ESRRG: variants seen among roughly 807,000 people sequenced by gnomAD.
The protein encoded by ESRRG is estrogen-related receptor gamma.
ESRRG carries 13 observed loss-of-function variants against 44.0 expected under a neutral mutation model. That is an observed-to-expected ratio of 0.30 (90% CI 0.19 to 0.47). The LOEUF (loss-of-function observed/expected upper bound fraction) is 0.47. Among genes scored for constraint, ESRRG ranks in the 20% least tolerant of loss-of-function variants. The pLI is 1.00. For synonymous variants in ESRRG, 215 were observed against 214.6 expected (o/e 1.00, Z -0.02); for missense variants, 395 against 580.6 (o/e 0.68, Z 3.29).
At chr1:217,034,828 A>C (rs573315432) in intron 1 of ESRRG, among the ~76,000 whole-genome samples, 1 of 152,302 alleles carries the variant, frequency 6.6e-6, no homozygotes, top group South Asian at 2.1e-4. Flanking sequence ...TAATTGTAAT[A>C]ACACAGACAA....
intron 3 of ESRRG, among the ~76,000 whole-genome samples, chr1:216,642,354 C>A (rs963683213): frequency 2.6e-5 from 4 of 152,004 alleles, no homozygotes; most frequent in Non-Finnish European, 4.4e-5. Flanking sequence ...CCTTCAAAAT[C>A]TTTACTATTC....
intron 2 of ESRRG, among the ~76,000 whole-genome samples, chr1:216,930,896 C>T (rs570146188): frequency 2.0e-5 from 3 of 152,240 alleles, no homozygotes; most frequent in Middle Eastern, 3.4e-3. Context: ...CAAGGTTCCA[C>T]AATGATTACG....
chr1:217,090,895 C>T (rs990314965), upstream of ESRRG, among the ~76,000 whole-genome samples: 1 of 152,150 alleles, frequency 6.6e-6, no homozygotes, highest in African/African-American at 2.4e-5. Context: ...TAGGAGTGGT[C>T]TCAAGAACAA....
At chr1:216,684,726 T>C (rs1019336931) in intron 1 of ESRRG, among the ~76,000 whole-genome samples, 1 of 152,200 alleles carries the variant, frequency 6.6e-6, no homozygotes, top group Non-Finnish European at 1.5e-5. Context: ...TCTTATGACA[T>C]TACTTTATAA....
At chr1:217,039,669 C>A (rs1416073283) in intron 1 of ESRRG, among the ~76,000 whole-genome samples, 6 of 152,206 alleles carry the variant, frequency 3.9e-5, no homozygotes, top group Non-Finnish European at 8.8e-5. Context: ...GGTGAGTACG[C>A]AGGGCCAAAC....
chr1:216,740,290 G>C (rs894812182), intron 2 of ESRRG, among the ~76,000 whole-genome samples: 2 of 152,122 alleles, frequency 1.3e-5, no homozygotes, highest in African/African-American at 4.8e-5. Flanking sequence ...TGCAGCTCTT[G>C]ATAAGGGAGT....
At chr1:216,662,039 G>A (rs567328296) in intron 2 of ESRRG, among the ~76,000 whole-genome samples, 1 of 152,212 alleles carries the variant, frequency 6.6e-6, no homozygotes, top group South Asian at 2.1e-4. Context: ...ATACATTATG[G>A]GGTTGCTATT....
At chr1:216,621,022 T>A (rs1267351471) in intron 3 of ESRRG, among the ~76,000 whole-genome samples, 1 of 152,122 alleles carries the variant, frequency 6.6e-6, no homozygotes, top group Admixed American at 6.5e-5. Flanking sequence ...CAATGAAGAT[T>A]CCCATCCCAT....
At chr1:216,763,205 T>C (rs1306383887) in intron 2 of ESRRG, among the ~76,000 whole-genome samples, 1 of 152,136 alleles carries the variant, frequency 6.6e-6, no homozygotes, top group Admixed American at 6.6e-5. Flanking sequence ...ATGTATTAGA[T>C]ATATTTTCAT....
chr1:216,587,267 T>C (rs139840405), intron 3 of ESRRG, among the ~76,000 whole-genome samples: 6 of 152,318 alleles, frequency 3.9e-5, no homozygotes, highest in African/African-American at 1.4e-4. Flanking sequence ...CATTTAGTAA[T>C]GGTTAGACAA....
At chr1:217,119,588 T>C (rs1326802060) in intron 1 of ESRRG, among the ~76,000 whole-genome samples, 1 of 152,250 alleles carries the variant, frequency 6.6e-6, no homozygotes, top group African/African-American at 2.4e-5. Flanking sequence ...TCCTGCAGCA[T>C]AAGGGCATAG....
rs1021359364 is a variant in ESRRG, at chr1:216,966,630, T to G, written c.-105-26957A>C. Among the ~76,000 whole-genome samples, 9 of 152,084 alleles carry G rather than the reference T, an allele frequency of 5.9e-5. 1 individual carries two copies. In the South Asian group the frequency reaches 6.2e-4, roughly 11 times the overall value. ...ATGCCTTTTCTTCCATGCCCTTCCC[T>G]CATCATGGTGCTCAACTTCCGGCTC... On this transcript the variant is annotated intron_variant, in intron 1 of 7. Transcript: ENST00000359162.
chr1:217,133,098 G>A (rs1207967259), intron 1 of ESRRG, among the ~76,000 whole-genome samples: 1 of 152,228 alleles, frequency 6.6e-6, no homozygotes, highest in East Asian at 1.9e-4. Context: ...GGCCTAGCGC[G>A]GGAAGGACAG....
chr1:216,861,333 T>C (rs1218247533), intron 2 of ESRRG, among the ~76,000 whole-genome samples: 1 of 152,076 alleles, frequency 6.6e-6, no homozygotes, highest in Non-Finnish European at 1.5e-5. Context: ...CACAATAATT[T>C]ATTGTATATT....
chr1:216,523,838 C>G (rs1458161177), intron 5 of ESRRG, among the ~76,000 whole-genome samples: 1 of 142,574 alleles, frequency 7.0e-6, no homozygotes, highest in African/African-American at 2.8e-5. Flanking sequence ...TGTAGTTTTT[C>G]TGTTCCACAA....
intron 2 of ESRRG, among the ~76,000 whole-genome samples, chr1:216,936,495 G>A (rs1056543045): frequency 6.6e-6 from 1 of 150,914 alleles, no homozygotes; most frequent in East Asian, 2.0e-4. Context: ...ATGGGTAAAC[G>A]CACACACACA....
At chr1:216,669,480 AATG>A (rs2074692497) in intron 2 of ESRRG, among the ~76,000 whole-genome samples, 1 of 152,254 alleles carries the variant, frequency 6.6e-6, no homozygotes, top group African/African-American at 2.4e-5. Context: ...GCAAGAGTAG[AATG>A]ATATTTGTTA....
chr1:216,594,609 T>C (rs964671926), intron 3 of ESRRG, among the ~76,000 whole-genome samples: 2 of 152,146 alleles, frequency 1.3e-5, no homozygotes, highest in African/African-American at 4.8e-5. Context: ...CAATTAACAA[T>C]AAAGTGAAGT....
At chr1:216,538,463 G>A (rs1308907061) in intron 5 of ESRRG, among the ~76,000 whole-genome samples, 1 of 151,932 alleles carries the variant, frequency 6.6e-6, no homozygotes, top group East Asian at 1.9e-4. Context: ...ACTACTGTCT[G>A]TCTTTCTGCT....
Sources: gnomAD v4.1 joint callset for allele counts (sites outside exome capture counted in the v4.1 genomes callset) on GRCh38, gnomAD v4.1.1 for gene constraint, MANE v1.5 for transcripts, NCBI Gene and HGNC (gene_info 2026-07-23, HGNC 2026-07-21) for gene names.